The following SLC4A5 variants were observed in gnomAD, a reference collection of about 807,000 sequenced individuals.
SLC4A5 encodes solute carrier family 4 member 5, also known as electrogenic sodium bicarbonate cotransporter 4.
Under a neutral mutation model 120.4 loss-of-function variants are expected in SLC4A5, and 96 were observed. The observed-to-expected ratio is 0.80, with a 90% CI of 0.68 to 0.94. SLC4A5 has a LOEUF of 0.94. SLC4A5 is among the 40% of genes least tolerant of loss of function. SLC4A5 has a pLI of 0.00. For synonymous variants in SLC4A5, 550 were observed against 571.1 expected (o/e 0.96, Z 0.53); for missense variants, 1,259 against 1,459.5 (o/e 0.86, Z 2.24).
At chr2:74,225,158 T>C (rs2103882397) in intron 27 of SLC4A5, 163 bp from the exon 28 acceptor site, 1 of 661,922 alleles carries the variant, frequency 1.5e-6, no homozygotes, top group Non-Finnish European at 2.5e-6. Context: ...CATTATTCAC[T>C]TTCCCTCCAC....
exon 11 of SLC4A5, chr2:74,262,170 G>A (rs761947769): frequency 1.5e-5 from 25 of 1,613,676 alleles, no homozygotes; most frequent in South Asian, 1.3e-4. Context: ...TGCCGCATCC[G>A]CAGGTCTTCC....
rs375755484 is a variant in SLC4A5, at chr2:74,223,271, C to G, written c.3247-319G>C. On this transcript the variant is annotated intron_variant, in intron 28 of 30. Coordinates refer to ENST00000394019, the Ensembl canonical transcript of SLC4A5. Reference sequence around the variant, plus strand: ...CCCCCTGCCTCGGCCTCCCAAAGTGCTGGGATTACAGATGTGAGCCACCGC... The same window carrying G: ...CCCCCTGCCTCGGCCTCCCAAAGTGGTGGGATTACAGATGTGAGCCACCGC... Among the ~76,000 whole-genome samples, 3 of 152,260 alleles carry G rather than the reference C, an allele frequency of 2.0e-5. 1 individual carries two copies.
rs1479305043 is a variant in SLC4A5 at position 74,284,200 on chromosome 2, C to T, written c.401+1573G>A. Reference sequence around the variant, plus strand: ...TTTTTTTTTTTTTGAGACGGAGTCTCGCTCTGTCGCCCAGGTCGGACTGCG... The same window carrying T: ...TTTTTTTTTTTTTGAGACGGAGTCTTGCTCTGTCGCCCAGGTCGGACTGCG... On this transcript the variant is annotated intron_variant, in intron 8 of 30. Coordinates refer to ENST00000394019, the Ensembl canonical transcript of SLC4A5. 1.1e-4 allele frequency among the ~76,000 whole-genome samples: 7 copies of T among 62,696 alleles called. No homozygotes were observed. In the Admixed American group the frequency reaches 1.4e-3, roughly 12 times the overall value. 41.1% of individuals were successfully genotyped at this position (62,696 alleles called of 152,430 possible).
At chr2:74,329,852 T>C (rs570131764) in intron 4 of SLC4A5, among the ~76,000 whole-genome samples, 1 of 147,004 alleles carries the variant, frequency 6.8e-6, no homozygotes, top group Non-Finnish European at 1.5e-5. Context: ...TAGATGGAAA[T>C]GTGATATGTG....
In SLC4A5 at chr2:74,255,870, G is replaced by T. The variant is rs371796105; in HGVS notation, c.930C>A (p.Gly310=). Reference sequence around the variant, plus strand: ...ATGGCTGGTCTAGGAAGTCCACCTCGCCCACGAGCACGTTGGACGCTTCTG... The same window carrying T: ...ATGGCTGGTCTAGGAAGTCCACCTCTCCCACGAGCACGTTGGACGCTTCTG... Residue 310 remains glycine, a synonymous_variant, in exon 13 of 31, where the codon GGC becomes GGA. Coordinates refer to ENST00000394019, the Ensembl canonical transcript of SLC4A5. This position sits in a 1 kb window ranked among gnomAD's most constrained non-coding sequence, Gnocchi z 4.0. The T allele has an allele frequency of 1.2e-4, 187 of 1,614,146 alleles. No homozygotes were observed. The highest frequency in any genetic ancestry group is 1.4e-4 in the Non-Finnish European group (171 of 1,180,028).
At chr2:74,270,595 C>T (rs904558757) in intron 8 of SLC4A5, among the ~76,000 whole-genome samples, 1 of 152,210 alleles carries the variant, frequency 6.6e-6, no homozygotes, top group Admixed American at 6.5e-5. Flanking sequence ...ATGGCGTGAA[C>T]CCGGGAGGCG....
In SLC4A5 at chr2:74,308,918, AT is replaced by A. The variant is rs138962975; in HGVS notation, c.80-4239del. Reference sequence around the variant, plus strand: ...TGAAAGGTGTAAGGACTATGTCTGAATTTTTTTTTTTTTTGAGACAGAGTCT... The same window carrying A: ...TGAAAGGTGTAAGGACTATGTCTGAATTTTTTTTTTTTTGAGACAGAGTCT... On this transcript the variant is annotated intron_variant, in intron 6 of 30. Coordinates refer to ENST00000394019, the Ensembl canonical transcript of SLC4A5. Among the ~76,000 whole-genome samples the A allele has an allele frequency of 4.9e-3, 711 of 144,100 alleles. 3 individuals carry two copies. The highest frequency in any genetic ancestry group is 0.012 in the African/African-American group (482 of 39,556). 94.5% of individuals were successfully genotyped at this position (144,100 alleles called of 152,430 possible).
chr2:74,294,964 C>A (rs888571433), intron 7 of SLC4A5, among the ~76,000 whole-genome samples: 4 of 152,186 alleles, frequency 2.6e-5, no homozygotes, highest in African/African-American at 9.7e-5. Context: ...AGCCACCATG[C>A]CTGGCCCTCT....
At chr2:74,338,487 C>T (rs191328861) in intron 3 of SLC4A5, among the ~76,000 whole-genome samples, 9 of 152,284 alleles carry the variant, frequency 5.9e-5, no homozygotes, top group African/African-American at 2.2e-4. Flanking sequence ...AGCACAGCCT[C>T]GATGCAGCCA....
chr2:74,318,556 C>T (rs1391579881), intron 5 of SLC4A5, among the ~76,000 whole-genome samples: 2 of 151,956 alleles, frequency 1.3e-5, no homozygotes, highest in Non-Finnish European at 2.9e-5. Context: ...TGTGGTGGTG[C>T]ATGCCTGTAA....
intron 30 of SLC4A5, among the ~76,000 whole-genome samples, chr2:74,219,117 G>A (rs1694531022): frequency 6.6e-6 from 1 of 151,682 alleles, no homozygotes; most frequent in African/African-American, 2.4e-5. Context: ...AGTCTTCTGT[G>A]TTTGTAGTCC....
At chr2:74,331,810 A>G (rs766526912) in intron 4 of SLC4A5, among the ~76,000 whole-genome samples, 33 of 152,096 alleles carry the variant, frequency 2.2e-4, no homozygotes, top group Non-Finnish European at 4.0e-4. Flanking sequence ...AACTCATGCT[A>G]TCTAGCAGAG....
chr2:74,305,585 C>T (rs1044798445), intron 6 of SLC4A5, among the ~76,000 whole-genome samples: 17 of 151,972 alleles, frequency 1.1e-4, no homozygotes, highest in Non-Finnish European at 1.9e-4. Context: ...TGTATAGATA[C>T]TTCTATGGGT....
chr2:74,222,834 G>T, intron 29 of SLC4A5, 34 bp downstream of exon 29: 2 of 1,540,794 alleles, frequency 1.3e-6, no homozygotes, highest in Non-Finnish European at 1.8e-6. Flanking sequence ...AGGACTAGTA[G>T]TAAGAAGGGA....
chr2:74,250,627 G>T, intron 16 of SLC4A5, 110 bp from the exon 17 acceptor site: 1 of 1,286,372 alleles, frequency 7.8e-7, no homozygotes, highest in Non-Finnish European at 1.1e-6. Flanking sequence ...ACTTGACCAG[G>T]GTGGATGGGG....
At chr2:74,252,368 G>A (rs767789824) in exon 16 of SLC4A5, 2 of 1,613,482 alleles carry the variant, frequency 1.2e-6, no homozygotes, top group Admixed American at 1.7e-5. Context: ...GCCCAGCTCT[G>A]CTAGGGAGAA....
chr2:74,282,542 C>T (rs1022909904), intron 8 of SLC4A5, among the ~76,000 whole-genome samples: 11 of 152,238 alleles, frequency 7.2e-5, no homozygotes, highest in Non-Finnish European at 1.5e-5. Context: ...ATGGTAACTG[C>T]CAGACCCCTT....
chr2:74,318,457 G>C (rs768263727), intron 5 of SLC4A5, among the ~76,000 whole-genome samples: 116 of 152,136 alleles, frequency 7.6e-4, no homozygotes, highest in Non-Finnish European at 4.3e-4. Context: ...GGCAGAGGTG[G>C]GGGGGATGGC....
rs568124086 is a variant in SLC4A5, at chr2:74,242,623, C to A, written c.2060-571G>T. Among the ~76,000 whole-genome samples, 133 of 152,298 alleles carry A rather than the reference C, an allele frequency of 8.7e-4. 2 individuals are homozygous for A. The South Asian group carries it at 0.027, about 31-fold the overall frequency. ...CCCAGAGCCTATAAACTTCCCAGCT[C>A]TACACCATGAACTTCCCTGCCCTGT... On this transcript the variant is annotated intron_variant, in intron 19 of 30. Transcript: ENST00000394019.
Sources: allele counts gnomAD v4.1 joint callset (sites outside exome capture counted in the v4.1 genomes callset), GRCh38; gene constraint gnomAD v4.1.1; non-coding constraint Gnocchi (gnomAD v3.1); transcripts MANE v1.5; gene names NCBI Gene and HGNC (gene_info 2026-07-23, HGNC 2026-07-21).